KCNH1: variants seen among roughly 807,000 people sequenced by gnomAD.
The protein encoded by KCNH1 is voltage-gated delayed rectifier potassium channel KCNH1.
In KCNH1, 27 loss-of-function variants were observed where a neutral mutation model predicts 69.2. That is an observed-to-expected ratio of 0.39 (90% CI 0.29 to 0.54). KCNH1 has a LOEUF of 0.54. KCNH1 is among the 20% of genes least tolerant of loss of function. The pLI is 0.68. For missense variants in KCNH1, 798 were observed against 1,261.6 expected, an observed-to-expected ratio of 0.63 and a Z score of 5.57; for synonymous variants, 456 against 487.7, an observed-to-expected ratio of 0.93 and a Z score of 0.86.
Position 210,822,467 on chromosome 1 carries a change from C to T in KCNH1, c.1463-18301G>A, listed in dbSNP as rs375842968. Reference sequence around the variant, plus strand: ...CTGGCTTTTGCTAAAGAATTTATACCGACTCAATTATTTCCACCATTTAAC... The same window carrying T: ...CTGGCTTTTGCTAAAGAATTTATACTGACTCAATTATTTCCACCATTTAAC... On this transcript the variant is annotated intron_variant, in intron 7 of 10. Coordinates refer to ENST00000271751, the MANE Select transcript of KCNH1 (RefSeq NM_172362.3). Among the ~76,000 whole-genome samples the T allele has an allele frequency of 3.9e-5, 6 of 152,096 alleles. 1 individual carries two copies. The highest frequency in any genetic ancestry group is 3.9e-4 in the East Asian group (2 of 5,168).
At chr1:210,939,521 T>C (rs1196004676) in intron 6 of KCNH1, among the ~76,000 whole-genome samples, 1 of 152,172 alleles carries the variant, frequency 6.6e-6, no homozygotes, top group East Asian at 1.9e-4. Flanking sequence ...TTGGCATTTG[T>C]CACACTGTCT....
At chr1:210,717,597 G>T (rs1208374228) in intron 10 of KCNH1, among the ~76,000 whole-genome samples, 1 of 152,160 alleles carries the variant, frequency 6.6e-6, no homozygotes, top group Non-Finnish European at 1.5e-5. Flanking sequence ...CCCAGTTGCT[G>T]GTGTGGTGAA....
chr1:210,797,364 T>C (rs935176671), intron 9 of KCNH1, 144 bp downstream of exon 9: 7 of 899,360 alleles, frequency 7.8e-6, no homozygotes, highest in Non-Finnish European at 1.2e-5. Context: ...TCTCGCCGTT[T>C]GATTGTTGGA....
rs115973284 is a variant in KCNH1, at chr1:210,994,882, G to A, written c.1032+23901C>T. 3.8e-3 allele frequency among the ~76,000 whole-genome samples: 574 copies of A among 152,260 alleles called. 6 individuals are homozygous for A. Among genetic ancestry groups the A allele is most frequent in the African/African-American group, 0.013 (553 of 41,548 alleles). On this transcript the variant is annotated intron_variant, in intron 6 of 10. Coordinates refer to ENST00000271751, the MANE Select transcript of KCNH1 (RefSeq NM_172362.3). ...CAGATGAAAACCTTTCTGAGCCTCT[G>A]TTTCCTCACGTATAAAAATGGAATG...
At chr1:210,837,656 G>A (rs1034627439) in intron 7 of KCNH1, among the ~76,000 whole-genome samples, 1 of 152,172 alleles carries the variant, frequency 6.6e-6, no homozygotes, top group Non-Finnish European at 1.5e-5. Context: ...CAAAGTAGTA[G>A]GAAGTACAAG....
intron 10 of KCNH1, among the ~76,000 whole-genome samples, chr1:210,700,807 C>G (rs114762692): frequency 0.017 from 2,574 of 152,266 alleles, 35 homozygotes; most frequent in Middle Eastern, 0.031. Flanking sequence ...GTTTGCTAAC[C>G]ACTTTCTTGG....
intron 7 of KCNH1, among the ~76,000 whole-genome samples, chr1:210,826,642 C>T (rs981752017): frequency 2.0e-5 from 3 of 152,200 alleles, no homozygotes; most frequent in Non-Finnish European, 4.4e-5. Flanking sequence ...CCAGTTCAGC[C>T]TTCAGGATTT....
chr1:210,993,258 A>T (rs1031168502), intron 6 of KCNH1, among the ~76,000 whole-genome samples: 2 of 152,204 alleles, frequency 1.3e-5, no homozygotes, highest in Non-Finnish European at 2.9e-5. Context: ...TTTCCAAGGG[A>T]CTTTTCCTGA....
chr1:211,005,722 A>G (rs1037320425), intron 6 of KCNH1, among the ~76,000 whole-genome samples: 3 of 152,184 alleles, frequency 2.0e-5, no homozygotes, highest in Non-Finnish European at 4.4e-5. Context: ...ACAAAAGCAC[A>G]TAAATGAAAA....
intron 10 of KCNH1, among the ~76,000 whole-genome samples, chr1:210,738,750 G>A (rs915542283): frequency 6.6e-5 from 10 of 151,182 alleles, no homozygotes; most frequent in African/African-American, 2.4e-4. Context: ...GTATTTTTTT[G>A]TAAAATGATC....
chr1:210,751,585 T>C (rs961459507), intron 10 of KCNH1, among the ~76,000 whole-genome samples: 8 of 151,914 alleles, frequency 5.3e-5, no homozygotes, highest in Non-Finnish European at 7.4e-5. Flanking sequence ...CACCCTGGTG[T>C]AGTGGGTAGG....
intron 6 of KCNH1, among the ~76,000 whole-genome samples, chr1:210,994,839 T>C (rs1478710313): frequency 1.3e-5 from 2 of 152,158 alleles, no homozygotes; most frequent in Non-Finnish European, 2.9e-5. Flanking sequence ...CCAAGATGAC[T>C]GTTAGAGTAG....
chr1:210,750,681 AG>A (rs1426797999), intron 10 of KCNH1, among the ~76,000 whole-genome samples: 1 of 152,034 alleles, frequency 6.6e-6, no homozygotes, highest in East Asian at 1.9e-4. Flanking sequence ...CAAAAGATAA[AG>A]ATAGGAATTA....
At chr1:210,899,559 A>G (rs1686952185) in intron 7 of KCNH1, among the ~76,000 whole-genome samples, 1 of 152,100 alleles carries the variant, frequency 6.6e-6, no homozygotes, top group Non-Finnish European at 1.5e-5. Context: ...GGGATTTCTG[A>G]TAATGTTTTA....
chr1:211,126,659 G>A (rs1377659844), intron 1 of KCNH1, among the ~76,000 whole-genome samples: 2 of 149,078 alleles, frequency 1.3e-5, no homozygotes, highest in East Asian at 3.9e-4. Flanking sequence ...ATCCAGCCTG[G>A]GTGACAGAGT....
At chr1:210,705,244 G>T (rs1356507402) in intron 10 of KCNH1, among the ~76,000 whole-genome samples, 6 of 152,188 alleles carry the variant, frequency 3.9e-5, no homozygotes, top group Non-Finnish European at 8.8e-5. Context: ...TCCAGAGGAG[G>T]CCAGTTTGCA....
At chr1:210,992,698 T>C (rs889347425) in intron 6 of KCNH1, among the ~76,000 whole-genome samples, 2 of 152,230 alleles carry the variant, frequency 1.3e-5, no homozygotes, top group South Asian at 2.1e-4. Flanking sequence ...GCTTTTTCTG[T>C]TCAAATGGAA....
intron 10 of KCNH1, among the ~76,000 whole-genome samples, chr1:210,704,893 G>A (rs1005344570): frequency 6.6e-5 from 10 of 152,236 alleles, no homozygotes; most frequent in African/African-American, 2.2e-4. Context: ...AGCCAGGGAC[G>A]GCAAATGATT....
chr1:211,082,406 T>C (rs1203514820), intron 5 of KCNH1, among the ~76,000 whole-genome samples: 2 of 152,228 alleles, frequency 1.3e-5, no homozygotes, highest in Non-Finnish European at 2.9e-5. Context: ...GTACTTTTTA[T>C]TTTCTTCTTT....
Sources: gnomAD v4.1 joint callset for allele counts (sites outside exome capture counted in the v4.1 genomes callset) on GRCh38, gnomAD v4.1.1 for gene constraint, MANE v1.5 for transcripts, NCBI Gene and HGNC (gene_info 2026-07-23, HGNC 2026-07-21) for gene names.